Variants in TDRD5 observed in about 807,000 individuals in gnomAD.
The protein encoded by TDRD5 is tudor domain containing 5.
A neutral mutation model predicts 120.6 loss-of-function variants in TDRD5; 41 were observed. The observed-to-expected ratio is 0.34, with a 90% confidence interval of 0.26 to 0.44. The LOEUF (loss-of-function observed/expected upper bound fraction) is 0.44, where lower values mean the gene tolerates loss of function less well. Among genes scored for constraint, TDRD5 ranks in the 20% least tolerant of loss-of-function variants. The probability of loss-of-function intolerance (pLI) is 1.00; values close to 1 mark genes in which losing one functional copy is unlikely to be tolerated. For synonymous variants in TDRD5, 430 were observed against 433.7 expected (o/e 0.99, Z 0.11); for missense variants, 1,006 against 1,221.2 (o/e 0.82, Z 2.63).
intron 14 of TDRD5, 45 bp downstream of exon 14, chr1:179,654,407 A>G (rs1269666241): frequency 1.4e-6 from 2 of 1,461,668 alleles, no homozygotes; most frequent in African/African-American, 2.8e-5. Flanking sequence ...TTAATATAAT[A>G]CACTGAATTC....
intron 8 of TDRD5, among the ~76,000 whole-genome samples, 188 bp from the exon 9 acceptor site, chr1:179,635,479 G>A (rs1047814105): frequency 1.3e-5 from 2 of 152,110 alleles, no homozygotes; most frequent in African/African-American, 2.4e-5. Context: ...TTATTTAAAT[G>A]CATAATTGTG....
intron 12 of TDRD5, 41 bp downstream of exon 12, chr1:179,651,108 A>G (rs1678686531): frequency 6.3e-7 from 1 of 1,596,172 alleles, no homozygotes; most frequent in East Asian, 2.2e-5. Context: ...ATTTTGTTTA[A>G]TTTCACCACG....
chr1:179,635,724 C>T lies in TDRD5; in HGVS notation c.1357C>T (p.Pro453Ser), dbSNP rs1677727868. The T allele has an allele frequency of 3.1e-6, 5 of 1,613,992 alleles. No homozygotes were observed. In the South Asian group the frequency reaches 4.4e-5, roughly 14 times the overall value. The change falls in exon 9 of 18, where the codon CCA becomes TCA. Residue 453 changes from proline to serine, a missense_variant. Pro to Ser is a moderately conservative substitution (Grantham distance 74, BLOSUM62 -1). Transcript: ENST00000444136. The stretch of plus-strand genomic sequence containing the variant: ...GGCAATGGCAAATCATGACATCCCG[C>T]CAGACGCTGTGCCGAACAAGAAATT... The part of the protein sequence containing the change: ...NLAMANHDIP[P>S]DAVPNKKLCR...
chr1:179,642,874 G>A (rs1678130491), intron 11 of TDRD5, among the ~76,000 whole-genome samples: 1 of 152,066 alleles, frequency 6.6e-6, no homozygotes, highest in Non-Finnish European at 1.5e-5. Flanking sequence ...TCAGAAGCAG[G>A]CAAAAAAGCA....
intron 16 of TDRD5, among the ~76,000 whole-genome samples, chr1:179,664,833 C>T (rs774664230): frequency 1.3e-5 from 2 of 152,030 alleles, no homozygotes; most frequent in Non-Finnish European, 2.9e-5. Context: ...GTTTCTGGAT[C>T]GTATGGTAAT....
chr1:179,689,061 T>C (rs1680943575), intron 17 of TDRD5, among the ~76,000 whole-genome samples: 1 of 152,220 alleles, frequency 6.6e-6, no homozygotes, highest in Admixed American at 6.5e-5. Context: ...CTCGTCAAAG[T>C]CATTCTCCAT....
At chr1:179,631,960 G>GC (rs1232071900) in intron 7 of TDRD5, among the ~76,000 whole-genome samples, 1 of 148,926 alleles carries the variant, frequency 6.7e-6, no homozygotes, top group East Asian at 2.0e-4. Flanking sequence ...AGGCTGGAGT[G>GC]CAGTGGCGTG....
chr1:179,660,211 G>GTT lies in TDRD5; in HGVS notation c.2323-1868_2323-1867dup, dbSNP rs34435630. Among the ~76,000 whole-genome samples, 20 of 58,174 alleles carry GTT rather than the reference G, an allele frequency of 3.4e-4. 3 individuals carry two copies. Among genetic ancestry groups the GTT allele is most frequent in the African/African-American group, 5.6e-4 (8 of 14,404 alleles). The allele number at this position is 58,174 out of a possible 152,430, so 38.2% of individuals were successfully genotyped here. ...TTAGTATTCCATTTTATCTACTATG[G>GTT]TTTTTTTTTTTTTTTTTTTTTTTTT... On this transcript the variant is annotated intron_variant, in intron 14 of 17. Transcript: ENST00000444136.
rs1255894160 is a variant in TDRD5, at chr1:179,651,119, T to C, written c.2001+52T>C. The C allele has an allele frequency of 8.9e-6, 14 of 1,566,202 alleles. No individual in the cohort carries two copies. In the Admixed American group the frequency reaches 2.4e-4, roughly 27 times the overall value. Reference sequence around the variant, plus strand: ...ATATATTTTGTTTAATTTCACCACGTCAAGGTATAAGATAATTTAATAAAG... The same window carrying C: ...ATATATTTTGTTTAATTTCACCACGCCAAGGTATAAGATAATTTAATAAAG... On this transcript the variant is annotated intron_variant, in intron 12 of 17. Transcript: ENST00000444136.
In TDRD5 at chr1:179,669,350, G is replaced by A; in HGVS notation, c.2806G>A (p.Ala936Thr). 1 of 1,614,178 alleles carries A rather than the reference G, an allele frequency of 6.2e-7. No homozygotes were observed. The highest frequency in any genetic ancestry group is 1.1e-5 in the South Asian group (1 of 91,078). ...AAAGCAAATTCAGCTTTCCACAGCA[G>A]CACCCTGTTCAACAACTGCAGTGGA... ...QPKQIQLSTA[A>T]PCSTTAVDDS... Residue 936 changes from alanine to threonine, a missense_variant, in exon 17 of 18, where the codon GCA becomes ACA. By Grantham distance (58) the Ala-to-Thr change is moderately conservative. Coordinates refer to ENST00000444136, the MANE Select transcript of TDRD5 (RefSeq NM_001199085.3).
At chr1:179,626,080 G>T (rs571023347) in intron 6 of TDRD5, among the ~76,000 whole-genome samples, 1 of 151,850 alleles carries the variant, frequency 6.6e-6, no homozygotes, top group African/African-American at 2.4e-5. Flanking sequence ...GGGGCAGGGG[G>T]GAGGGATAGC....
At chr1:179,685,654 T>C (rs939750561) in intron 17 of TDRD5, among the ~76,000 whole-genome samples, 5 of 152,220 alleles carry the variant, frequency 3.3e-5, no homozygotes, top group African/African-American at 4.8e-5. Context: ...TTTCATGATA[T>C]TGATTCTTCC....
At chr1:179,603,443 T>C (rs1675819645) in intron 4 of TDRD5, among the ~76,000 whole-genome samples, 1 of 152,210 alleles carries the variant, frequency 6.6e-6, no homozygotes. Flanking sequence ...GTGGGCATCT[T>C]TGTCATCTTC....
intron 11 of TDRD5, among the ~76,000 whole-genome samples, chr1:179,644,998 AATATTTTGTAATTT>A (rs913624016): frequency 2.0e-5 from 3 of 151,728 alleles, no homozygotes; most frequent in Admixed American, 6.6e-5. Flanking sequence ...TCAGTTAAAA[AATATTTTGTAATTT>A]ATATTTTGCT....
At chr1:179,626,296 A>G (rs541916352) in intron 6 of TDRD5, among the ~76,000 whole-genome samples, 1 of 152,360 alleles carries the variant, frequency 6.6e-6, no homozygotes, top group South Asian at 2.1e-4. Flanking sequence ...TTGCTGTGGA[A>G]GTAAGTCTCA....
intron 14 of TDRD5, among the ~76,000 whole-genome samples, chr1:179,657,843 TA>T (rs1234788320): frequency 2.6e-5 from 4 of 152,216 alleles, no homozygotes; most frequent in Admixed American, 2.0e-4. Context: ...ACATATTTGT[TA>T]TTTTTTTGTG....
At chr1:179,595,903 C>T in intron 4 of TDRD5, 85 bp downstream of exon 4, 10 of 1,347,724 alleles carry the variant, frequency 7.4e-6, no homozygotes, top group Non-Finnish European at 9.8e-6. Flanking sequence ...GAAAAGTTGA[C>T]CTTTTAAAAA....
At chr1:179,598,984 T>C (rs1439454182) in intron 4 of TDRD5, among the ~76,000 whole-genome samples, 1 of 152,156 alleles carries the variant, frequency 6.6e-6, no homozygotes, top group Non-Finnish European at 1.5e-5. Flanking sequence ...TTCATAATTA[T>C]GATATTAACT....
At chr1:179,633,501 G>A (rs1677577317) in intron 7 of TDRD5, among the ~76,000 whole-genome samples, 1 of 151,884 alleles carries the variant, frequency 6.6e-6, no homozygotes, top group South Asian at 2.1e-4. Flanking sequence ...ACAGGCGCCT[G>A]CCACCATGCC....
Sources: gnomAD v4.1 joint callset for allele counts (sites outside exome capture counted in the v4.1 genomes callset) on GRCh38, gnomAD v4.1.1 for gene constraint, MANE v1.5 for transcripts, NCBI Gene and HGNC (gene_info 2026-07-23, HGNC 2026-07-21) for gene names.